Variants in IMMP2L observed in about 807,000 individuals in gnomAD.
IMMP2L encodes the protein mitochondrial inner membrane protease subunit 2.
In IMMP2L, 18 loss-of-function variants were observed where a neutral mutation model predicts 19.3. The observed-to-expected ratio is 0.93, with a 90% CI of 0.64 to 1.38. The LOEUF (loss-of-function observed/expected upper bound fraction) is 1.38, where lower values mean the gene tolerates loss of function less well. Among genes scored for constraint, IMMP2L ranks in the 40% most tolerant of loss-of-function variants. The probability of loss-of-function intolerance (pLI) is 0.00; values close to 1 mark genes in which losing one functional copy is unlikely to be tolerated. For missense variants in IMMP2L, 233 were observed against 218.2 expected, an observed-to-expected ratio of 1.07 and a Z score of -0.43; for synonymous variants, 76 against 73.0, an observed-to-expected ratio of 1.04 and a Z score of -0.21.
chr7:110,950,188 G>C (rs1817650235), intron 4 of IMMP2L, among the ~76,000 whole-genome samples: 1 of 152,002 alleles, frequency 6.6e-6, no homozygotes, highest in Admixed American at 6.6e-5. Flanking sequence ...TGGATATCCA[G>C]GTTTTTTCAA....
At chr7:111,210,029 T>C (rs1811145312) in intron 3 of IMMP2L, among the ~76,000 whole-genome samples, 1 of 152,164 alleles carries the variant, frequency 6.6e-6, no homozygotes, top group South Asian at 2.1e-4. Flanking sequence ...ATCAATCTCT[T>C]CTCCGTGTCC....
At chr7:110,990,347 T>C (rs1428286200) in intron 3 of IMMP2L, among the ~76,000 whole-genome samples, 5 of 152,170 alleles carry the variant, frequency 3.3e-5, no homozygotes, top group Non-Finnish European at 7.4e-5. Context: ...AATATTCTAA[T>C]AGATTTATAG....
In IMMP2L at chr7:110,699,676, G is replaced by A. The variant is rs187586515; in HGVS notation, c.409-35955C>T. 4.6e-5 allele frequency among the ~76,000 whole-genome samples: 7 copies of A among 151,602 alleles called. No individual in the cohort carries two copies. In the East Asian group the frequency reaches 1.2e-3, roughly 25 times the overall value. ...ATCCCAGCTGGGGAGGCTGAGGCAGGAGAATCACTTGAACCCAGGAGGCGA... is the reference window on the plus strand; with the variant it reads ...ATCCCAGCTGGGGAGGCTGAGGCAGAAGAATCACTTGAACCCAGGAGGCGA... On this transcript the variant is annotated intron_variant, in intron 5 of 5. Coordinates refer to ENST00000405709, the MANE Select transcript of IMMP2L (RefSeq NM_032549.4).
chr7:110,677,479 C>A (rs1453458975), intron 5 of IMMP2L, among the ~76,000 whole-genome samples: 1 of 151,986 alleles, frequency 6.6e-6, no homozygotes, highest in African/African-American at 2.4e-5. Context: ...TCTACTTACA[C>A]ATTCCCACGA....
chr7:111,057,456 T>C (rs1044115976), intron 3 of IMMP2L, among the ~76,000 whole-genome samples: 2 of 152,010 alleles, frequency 1.3e-5, no homozygotes, highest in African/African-American at 2.4e-5. Context: ...ACAGAACAGA[T>C]ATGTAAGAAT....
chr7:110,917,846 T>G (rs1263407396), intron 4 of IMMP2L, among the ~76,000 whole-genome samples: 2 of 152,140 alleles, frequency 1.3e-5, no homozygotes, highest in Non-Finnish European at 2.9e-5. Context: ...TAATAAGAAA[T>G]TAATGAAAAT....
intron 3 of IMMP2L, among the ~76,000 whole-genome samples, chr7:111,128,312 A>G (rs1801513378): frequency 1.3e-5 from 2 of 152,208 alleles, no homozygotes; most frequent in Admixed American, 6.5e-5. Flanking sequence ...GTGTTTTCAC[A>G]AATACATGTT....
intron 3 of IMMP2L, among the ~76,000 whole-genome samples, chr7:111,478,865 C>G (rs1024012741): frequency 6.6e-6 from 1 of 151,936 alleles, no homozygotes; most frequent in Admixed American, 6.6e-5. Flanking sequence ...TATTAAATGC[C>G]AAGTGTTGCG....
intron 3 of IMMP2L, among the ~76,000 whole-genome samples, chr7:111,236,572 T>A (rs967053620): frequency 2.0e-5 from 3 of 152,146 alleles, no homozygotes; most frequent in Non-Finnish European, 4.4e-5. Context: ...CAGCTTTTTG[T>A]AGGTTCCCCA....
chr7:110,950,860 A>ATATATATATATG (rs1817748205), intron 4 of IMMP2L, among the ~76,000 whole-genome samples: 1 of 138,808 alleles, frequency 7.2e-6, no homozygotes, highest in Admixed American at 7.1e-5. Flanking sequence ...ATATATATAT[A>ATATATATATATG]TATATATATA....
chr7:111,446,365 C>T lies in IMMP2L; in HGVS notation c.239+40873G>A, dbSNP rs574488058. ...CAGCACACAGCTGGAGATCTGAGAA[C>T]AGGCAGACTGCCTCCTCAAGTGGGT... On this transcript the variant is annotated intron_variant, in intron 3 of 5. Coordinates refer to ENST00000405709, the MANE Select transcript of IMMP2L (RefSeq NM_032549.4). 2.5e-3 allele frequency among the ~76,000 whole-genome samples: 357 copies of T among 141,898 alleles called. 2 individuals are homozygous for T. The highest frequency in any genetic ancestry group is 8.9e-3 in the African/African-American group (302 of 33,950). The allele number at this position is 141,898 out of a possible 152,430, so 93.1% of individuals were successfully genotyped here.
chr7:111,209,355 C>A (rs1263745867), intron 3 of IMMP2L, among the ~76,000 whole-genome samples: 5 of 149,346 alleles, frequency 3.3e-5, no homozygotes, highest in Non-Finnish European at 5.9e-5. Context: ...TGAGATCATG[C>A]CACTGCACTC....
At chr7:110,756,960 A>G (rs1197601941) in intron 5 of IMMP2L, among the ~76,000 whole-genome samples, 1 of 151,982 alleles carries the variant, frequency 6.6e-6, no homozygotes, top group East Asian at 1.9e-4. Flanking sequence ...TTTTATTTGT[A>G]TGTATTTATA....
At chr7:110,781,064 A>G (rs545702799) in intron 5 of IMMP2L, among the ~76,000 whole-genome samples, 5 of 152,104 alleles carry the variant, frequency 3.3e-5, no homozygotes, top group African/African-American at 1.2e-4. Context: ...TGAAACATTT[A>G]AGGATAATTA....
intron 3 of IMMP2L, among the ~76,000 whole-genome samples, chr7:111,173,421 C>T (rs900436669): frequency 6.6e-6 from 1 of 151,550 alleles, no homozygotes; most frequent in African/African-American, 2.4e-5. Context: ...CTCTCACACC[C>T]GTTCTGTGAG....
chr7:110,906,940 A>G (rs1812520667), intron 4 of IMMP2L, among the ~76,000 whole-genome samples: 1 of 151,864 alleles, frequency 6.6e-6, no homozygotes, highest in African/African-American at 2.4e-5. Flanking sequence ...GCTCTCAACC[A>G]CTTGCAGGAC....
intron 5 of IMMP2L, among the ~76,000 whole-genome samples, chr7:110,672,392 T>C (rs970805890): frequency 2.0e-5 from 3 of 152,018 alleles, no homozygotes; most frequent in African/African-American, 4.8e-5. Flanking sequence ...CAGGATGAGA[T>C]TTAAGTGGGG....
chr7:110,936,731 C>G (rs1266642199), intron 4 of IMMP2L, among the ~76,000 whole-genome samples: 1 of 151,994 alleles, frequency 6.6e-6, no homozygotes, highest in Non-Finnish European at 1.5e-5. Flanking sequence ...GATCATTCTA[C>G]TATAAAGACA....
At chr7:110,816,824 T>A (rs13240905) in intron 5 of IMMP2L, among the ~76,000 whole-genome samples, 2 of 152,010 alleles carry the variant, frequency 1.3e-5, no homozygotes, top group African/African-American at 4.8e-5. Flanking sequence ...GCTTGGTAGA[T>A]CTTCCTCCAT....
Sources: allele counts gnomAD v4.1 joint callset (sites outside exome capture counted in the v4.1 genomes callset), GRCh38; gene constraint gnomAD v4.1.1; transcripts MANE v1.5; gene names NCBI Gene and HGNC (gene_info 2026-07-23, HGNC 2026-07-21).